The following CREBRF variants were observed in gnomAD, a reference collection of about 807,000 sequenced individuals.
CREBRF encodes the protein CREB3 regulatory factor, also known as UPF0474 protein C5orf41.
Under a neutral mutation model 66.1 loss-of-function variants are expected in CREBRF, and 5 were observed. The observed-to-expected ratio is 0.08, with a 90% CI of 0.04 to 0.16. CREBRF has a LOEUF of 0.16. Among genes scored for constraint, CREBRF ranks in the 10% least tolerant of loss-of-function variants. The pLI is 1.00. For synonymous variants in CREBRF, 229 were observed against 264.4 expected, an observed-to-expected ratio of 0.87 and a Z score of 1.30; for missense variants, 531 against 744.9, an observed-to-expected ratio of 0.71 and a Z score of 3.34.
At chr5:173,096,891 A>C (rs1469082145) in intron 4 of CREBRF, among the ~76,000 whole-genome samples, 1 of 152,104 alleles carries the variant, frequency 6.6e-6, no homozygotes, top group African/African-American at 2.4e-5. Context: ...CAGTCTGTTA[A>C]TGTGGCATAT....
intron 7 of CREBRF, among the ~76,000 whole-genome samples, chr5:173,117,533 T>TCC (rs1561814559): frequency 2.5e-4 from 5 of 20,396 alleles, no homozygotes; most frequent in African/African-American, 6.2e-4. Flanking sequence ...CCCTCCCCTC[T>TCC]CCTCTTCCCT....
chr5:173,096,628 C>T (rs1758485591), intron 4 of CREBRF, among the ~76,000 whole-genome samples: 1 of 151,608 alleles, frequency 6.6e-6, no homozygotes, highest in African/African-American at 2.4e-5. Context: ...AATGGGCATC[C>T]TTATCTTGTT....
At chr5:173,074,227 G>C (rs1302581670) in intron 1 of CREBRF, among the ~76,000 whole-genome samples, 1 of 151,804 alleles carries the variant, frequency 6.6e-6, no homozygotes, top group Non-Finnish European at 1.5e-5. Context: ...CTTGAACCCT[G>C]GAGGTGGAGG....
At chr5:173,106,600 C>T (rs1226460325) in intron 4 of CREBRF, among the ~76,000 whole-genome samples, 1 of 151,998 alleles carries the variant, frequency 6.6e-6, no homozygotes, top group Non-Finnish European at 1.5e-5. Flanking sequence ...TTTTTAAAGT[C>T]ATGTTTATTG....
At chr5:173,063,712 A>C (rs1032629870) in intron 1 of CREBRF, among the ~76,000 whole-genome samples, 1 of 148,526 alleles carries the variant, frequency 6.7e-6, no homozygotes, top group Non-Finnish European at 1.5e-5. Context: ...GATTAAAAAG[A>C]ATTTTTGTTC....
At chr5:173,126,198 T>G (rs1759270636) in intron 8 of CREBRF, among the ~76,000 whole-genome samples, 2 of 152,088 alleles carry the variant, frequency 1.3e-5, no homozygotes, top group African/African-American at 4.8e-5. Context: ...TGGAGTGCAG[T>G]GGCGTGATCT....
rs13164819 is a variant in CREBRF, at chr5:173,134,562, C to T, written c.*817C>T. 0.026 allele frequency: 3,898 copies of T among 151,114 alleles called. 79 individuals carry two copies. The highest frequency in any genetic ancestry group is 0.041 in the Non-Finnish European group (2,762 of 67,698). The allele number at this position is 151,114 out of a possible 1,614,324, so 9.4% of individuals were successfully genotyped here. ...GTATAAAAAACAAAACAAAAAACAA[C>T]AAAAAAAAGATGGCTCTAGAAAACT... On this transcript the variant is annotated 3_prime_UTR_variant, in exon 9 of 9. Coordinates refer to ENST00000296953, the MANE Select transcript of CREBRF (RefSeq NM_153607.3).
chr5:173,123,795 A>T (rs1336204719), intron 8 of CREBRF: 1 of 152,236 alleles, frequency 6.6e-6, no homozygotes, highest in African/African-American at 2.4e-5. Context: ...CCCAAAATTA[A>T]ATATACACAA....
In CREBRF at chr5:173,118,504, T is replaced by C. The variant is rs1759061982; in HGVS notation, c.1682-4576T>C. Among the ~76,000 whole-genome samples the C allele has an allele frequency of 2.0e-5, 3 of 152,180 alleles. No individual in the cohort carries two copies. In the South Asian group the frequency reaches 6.2e-4, roughly 31 times the overall value. On this transcript the variant is annotated intron_variant, in intron 7 of 8. Transcript: ENST00000296953. ...GTTTTGCATTTAGGCTTATGATCTT[T>C]TTTAGGTCAATTTTTGCATATGGTA...
chr5:173,133,228 G>T (rs563382025), intron 8 of CREBRF, among the ~76,000 whole-genome samples: 1 of 152,278 alleles, frequency 6.6e-6, no homozygotes, highest in South Asian at 2.1e-4. Context: ...TTTCATGGGT[G>T]AAACCTACCC....
In CREBRF at chr5:173,090,925, G is replaced by A. The variant is rs766697965; in HGVS notation, c.746G>A (p.Arg249Gln). 10 of 1,614,138 alleles carry A rather than the reference G, an allele frequency of 6.2e-6. No homozygotes were observed. In the East Asian group the frequency reaches 6.7e-5, roughly 11 times the overall value. ...AAGATCAACCCAGTGCAACAGAGCCGGCCCTTGTTGAGCCAGATTCACACA... is the reference window on the plus strand; with the variant it reads ...AAGATCAACCCAGTGCAACAGAGCCAGCCCTTGTTGAGCCAGATTCACACA... ...KVKINPVQQS[R>Q]PLLSQIHTDA... The change falls in exon 4 of 9, where the codon CGG becomes CAG. Residue 249 changes from arginine to glutamine, a missense_variant. By Grantham distance (43) the Arg-to-Gln change is conservative. Transcript: ENST00000296953. The surrounding 1 kb of genome is among the most constrained non-coding windows in gnomAD (Gnocchi z 4.5).
chr5:173,063,504 A>G (rs1399616409), intron 1 of CREBRF, among the ~76,000 whole-genome samples: 2 of 151,832 alleles, frequency 1.3e-5, no homozygotes, highest in African/African-American at 4.8e-5. Context: ...AGTAGCTGGT[A>G]TTACAGGAGC....
intron 4 of CREBRF, among the ~76,000 whole-genome samples, chr5:173,099,254 C>G (rs1022014039): frequency 2.0e-5 from 3 of 152,162 alleles, no homozygotes; most frequent in Non-Finnish European, 4.4e-5. Context: ...CTGCCAGACT[C>G]AAGCAATCTT....
intron 1 of CREBRF, among the ~76,000 whole-genome samples, chr5:173,065,978 T>C (rs546288865): frequency 2.6e-4 from 39 of 152,230 alleles, no homozygotes; most frequent in South Asian, 1.0e-3. Flanking sequence ...TTTTATTTGC[T>C]TTATTTTATT....
chr5:173,138,542 TTGGTAAC>T lies in CREBRF; in HGVS notation c.*4799_*4805del, dbSNP rs1346047625. 1 of 152,138 alleles carries T rather than the reference TTGGTAAC, an allele frequency of 6.6e-6. No homozygotes were observed. Among genetic ancestry groups the T allele is most frequent in the African/African-American group, 2.4e-5 (1 of 41,422 alleles). 9.4% of individuals were successfully genotyped at this position (152,138 alleles called of 1,614,324 possible). On this transcript the variant is annotated 3_prime_UTR_variant, in exon 9 of 9. Transcript: ENST00000296953. ...CAAACAGTATTTTGGAATTGAAGAC[TTGGTAAC>T]TAGTGAAGAACATCAAAGTTGGGTA...
chr5:173,128,940 C>A (rs1358246163), intron 8 of CREBRF, among the ~76,000 whole-genome samples: 1 of 151,252 alleles, frequency 6.6e-6, no homozygotes, highest in African/African-American at 2.4e-5. Flanking sequence ...GCCACCATGC[C>A]CGGCGAATTT....
rs528636980 is a variant in CREBRF at position 173,081,365 on chromosome 5, G to C, written c.9+581G>C. 5.3e-5 allele frequency among the ~76,000 whole-genome samples: 8 copies of C among 152,332 alleles called. No homozygotes were observed. The South Asian group carries it at 1.7e-3, about 32-fold the overall frequency. Reference sequence around the variant, plus strand: ...TTTTAGGCAATCAGTGAGACAATCAGTGAAGCCCTGTTAGTCCCCATTCTG... The same window carrying C: ...TTTTAGGCAATCAGTGAGACAATCACTGAAGCCCTGTTAGTCCCCATTCTG... On this transcript the variant is annotated intron_variant, in intron 2 of 8. Transcript: ENST00000296953.
chr5:173,133,576 C>G (rs964056158), intron 8 of CREBRF, 54 bp from the exon 9 acceptor site: 7 of 1,014,400 alleles, frequency 6.9e-6, no homozygotes, highest in African/African-American at 1.6e-5. Context: ...CCTTCCCTTC[C>G]CTTCATGGCC....
chr5:173,118,729 C>CT (rs765280974), intron 7 of CREBRF, among the ~76,000 whole-genome samples: 218 of 137,164 alleles, frequency 1.6e-3, no homozygotes, highest in African/African-American at 2.0e-3. Context: ...GGATACAAAA[C>CT]TTTTTTTTTT....
Sources: allele counts gnomAD v4.1 joint callset (sites outside exome capture counted in the v4.1 genomes callset), GRCh38; gene constraint gnomAD v4.1.1; non-coding constraint Gnocchi (gnomAD v3.1); transcripts MANE v1.5; gene names NCBI Gene and HGNC (gene_info 2026-07-23, HGNC 2026-07-21).